The following SLIT3 variants were observed in gnomAD, a reference collection of about 807,000 sequenced individuals.
SLIT3 encodes slit homolog 3 protein.
SLIT3 carries 68 observed loss-of-function variants against 184.0 expected under a neutral mutation model. That is an observed-to-expected ratio of 0.37 (90% CI 0.30 to 0.45). The LOEUF is 0.45. Among genes scored for constraint, SLIT3 ranks in the 20% least tolerant of loss-of-function variants. The probability of loss-of-function intolerance (pLI) is 1.00; values close to 1 mark genes in which losing one functional copy is unlikely to be tolerated. For synonymous variants in SLIT3, 831 were observed against 828.6 expected (o/e 1.00, Z -0.05); for missense variants, 1,707 against 2,026.0 (o/e 0.84, Z 3.02).
chr5:168,888,962 A>G (rs1050880058), intron 4 of SLIT3, among the ~76,000 whole-genome samples: 1 of 152,186 alleles, frequency 6.6e-6, no homozygotes, highest in Non-Finnish European at 1.5e-5. Flanking sequence ...ATAATCTACA[A>G]ATCTAAAATT....
intron 4 of SLIT3, among the ~76,000 whole-genome samples, chr5:168,959,388 G>A (rs1176300096): frequency 1.3e-5 from 2 of 152,142 alleles, no homozygotes; most frequent in East Asian, 3.9e-4. Context: ...GGAAAGAAAG[G>A]CCCTGTCTGT....
intron 14 of SLIT3, among the ~76,000 whole-genome samples, chr5:168,769,821 A>C (rs1755481241): frequency 6.6e-6 from 1 of 152,186 alleles, no homozygotes; most frequent in Non-Finnish European, 1.5e-5. Context: ...AGTATGTCAG[A>C]AGTCCTGGGT....
intron 16 of SLIT3, among the ~76,000 whole-genome samples, chr5:168,756,699 G>A (rs572473917): frequency 4.6e-5 from 7 of 152,264 alleles, no homozygotes; most frequent in Non-Finnish European, 8.8e-5. Context: ...CAAATGAGAT[G>A]CAGGAGGAGA....
At chr5:168,949,658 C>T (rs1228242186) in intron 4 of SLIT3, among the ~76,000 whole-genome samples, 3 of 152,082 alleles carry the variant, frequency 2.0e-5, no homozygotes, top group Non-Finnish European at 4.4e-5. Flanking sequence ...GAGTGCATGG[C>T]GCGAGATTAC....
chr5:168,741,472 C>T (rs891277977), intron 20 of SLIT3, among the ~76,000 whole-genome samples: 5 of 45,336 alleles, frequency 1.1e-4, no homozygotes, highest in African/African-American at 5.0e-4. Flanking sequence ...GAGCAAGACT[C>T]GGTCTCAAAA....
chr5:169,022,675 A>T (rs527831237), intron 4 of SLIT3: 20 of 152,276 alleles, frequency 1.3e-4, no homozygotes, highest in African/African-American at 4.6e-4. Context: ...CATCTTACTA[A>T]ATGTGATGGT....
intron 3 of SLIT3, among the ~76,000 whole-genome samples, chr5:169,239,345 C>T (rs1183455234): frequency 6.6e-6 from 1 of 151,970 alleles, no homozygotes; most frequent in Non-Finnish European, 1.5e-5. Context: ...GTTATGCTGG[C>T]TAAATAGACA....
intron 3 of SLIT3, among the ~76,000 whole-genome samples, chr5:169,205,064 G>A (rs1407188137): frequency 6.6e-6 from 1 of 152,182 alleles, no homozygotes; most frequent in Non-Finnish European, 1.5e-5. Context: ...AATGTGCTGA[G>A]AGCAATTATG....
intron 4 of SLIT3, among the ~76,000 whole-genome samples, chr5:168,918,582 T>G (rs1761525094): frequency 6.6e-6 from 1 of 152,206 alleles, no homozygotes; most frequent in African/African-American, 2.4e-5. Context: ...CCATTTATTA[T>G]GCTCAGGTGG....
At position 168,772,852 on chromosome 5, in the gene SLIT3, C is replaced by A. The variant is rs746573663; in HGVS notation, c.1388G>T (p.Arg463Leu). The part of the protein sequence containing the change: ...QDNPIETSGA[R>L]CSSPRRLANK... ...GGCGAGTCGGCGCGGGCTGCTGCAG[C>A]GGGCCCCGCTTGTCTCGATGGGGTT... The change falls in exon 14 of 36, where the codon CGC becomes CTC. Residue 463 changes from arginine (R) to leucine (L), a missense_variant. Arg to Leu is a moderately radical substitution (Grantham distance 102, BLOSUM62 -2). Transcript: ENST00000519560. The A allele has an allele frequency of 6.2e-7, 1 of 1,613,938 alleles. No individual in the cohort carries two copies. The highest frequency in any genetic ancestry group is 1.3e-5 in the African/African-American group (1 of 74,930).
chr5:169,113,005 G>A (rs1760467193), intron 4 of SLIT3, among the ~76,000 whole-genome samples: 1 of 152,078 alleles, frequency 6.6e-6, no homozygotes, highest in Non-Finnish European at 1.5e-5. Flanking sequence ...CCATCTATTT[G>A]TAAAAATTTC....
At chr5:169,106,034 C>A (rs1368670101) in intron 4 of SLIT3, among the ~76,000 whole-genome samples, 2 of 149,372 alleles carry the variant, frequency 1.3e-5, no homozygotes, top group African/African-American at 4.9e-5. Flanking sequence ...GGAAACAACA[C>A]ATGCTGGAGC....
intron 4 of SLIT3, among the ~76,000 whole-genome samples, chr5:169,170,554 G>C (rs928811678): frequency 1.3e-5 from 2 of 152,292 alleles, no homozygotes; most frequent in East Asian, 3.9e-4. Flanking sequence ...CAGTGAGACT[G>C]ATGGGAATGG....
chr5:168,921,987 T>A (rs1761650135), intron 4 of SLIT3, among the ~76,000 whole-genome samples: 1 of 152,138 alleles, frequency 6.6e-6, no homozygotes, highest in Non-Finnish European at 1.5e-5. Context: ...CCTAAATGCA[T>A]TATGGGAATT....
At chr5:168,857,883 C>T (rs932546637) in intron 5 of SLIT3, among the ~76,000 whole-genome samples, 3 of 152,204 alleles carry the variant, frequency 2.0e-5, no homozygotes, top group South Asian at 2.1e-4. Context: ...TAGAGATTCA[C>T]GTAGGAGTTC....
chr5:168,713,966 C>T (rs1298851994), intron 23 of SLIT3, among the ~76,000 whole-genome samples: 1 of 152,170 alleles, frequency 6.6e-6, no homozygotes, highest in Non-Finnish European at 1.5e-5. Context: ...ATAATCTGCT[C>T]TTCTCTTTCT....
At chr5:168,950,020 A>G (rs1451490341) in intron 4 of SLIT3, among the ~76,000 whole-genome samples, 1 of 152,164 alleles carries the variant, frequency 6.6e-6, no homozygotes, top group African/African-American at 2.4e-5. Context: ...TTGAATATAC[A>G]TACAGTCTGC....
At chr5:168,890,065 G>A (rs1446143229) in intron 4 of SLIT3, among the ~76,000 whole-genome samples, 4 of 151,328 alleles carry the variant, frequency 2.6e-5, no homozygotes, top group East Asian at 3.9e-4. Context: ...GCTTGAACCC[G>A]GGAGCGGGAG....
chr5:168,795,755 A>G (rs1191009451), intron 9 of SLIT3, among the ~76,000 whole-genome samples, 177 bp from the exon 10 acceptor site: 1 of 152,164 alleles, frequency 6.6e-6, no homozygotes, highest in African/African-American at 2.4e-5. Flanking sequence ...AGGTCCTAGT[A>G]CATGGAGCAC....
Sources: gnomAD v4.1 joint callset for allele counts (sites outside exome capture counted in the v4.1 genomes callset) on GRCh38, gnomAD v4.1.1 for gene constraint, MANE v1.5 for transcripts, NCBI Gene and HGNC (gene_info 2026-07-23, HGNC 2026-07-21) for gene names.